The following TMEM116 variants were observed in gnomAD, a reference collection of about 807,000 sequenced individuals.
TMEM116 encodes the protein transmembrane protein 116.
A neutral mutation model predicts 44.3 loss-of-function variants in TMEM116; 38 were observed. The observed-to-expected ratio is 0.86, with a 90% CI of 0.66 to 1.12. The LOEUF (loss-of-function observed/expected upper bound fraction) is 1.12. Ranked by LOEUF, TMEM116 falls within the 50% of genes most tolerant of loss-of-function variation. The pLI is 0.00. For missense variants in TMEM116, 354 were observed against 401.7 expected (o/e 0.88, Z 1.01); for synonymous variants, 132 against 144.8 (o/e 0.91, Z 0.64).
chr12:111,933,942 A>G lies in TMEM116; in HGVS notation c.677T>C (p.Ile226Thr), dbSNP rs2071893795. Residue 226 changes from isoleucine (I) to threonine (T), a missense_variant, in exon 9 of 11, where the codon ATT becomes ACT. By Grantham distance (89) the Ile-to-Thr change is moderately conservative. Coordinates refer to ENST00000552374, the MANE Select transcript of TMEM116 (RefSeq NM_001193531.2). ...LGSEQWAVIH[I>T]VDQRVRFYPV... is the part of the protein sequence containing the mutation. The stretch of plus-strand genomic sequence containing the variant: ...GTAGAAGCGCACCCGTTGGTCCACA[A>G]TGTGAATCACTGCCCACTGTTCACT... The G allele has an allele frequency of 1.2e-6, 2 of 1,614,132 alleles. No individual in the cohort carries two copies. The highest frequency in any genetic ancestry group is 1.7e-6 in the Non-Finnish European group (2 of 1,180,040).
intron 4 of TMEM116, among the ~76,000 whole-genome samples, chr12:111,973,108 A>G (rs780066534): frequency 2.0e-5 from 3 of 152,184 alleles, no homozygotes; most frequent in Non-Finnish European, 2.9e-5. Flanking sequence ...ACTGCACTCC[A>G]GTCTGGCCGA....
intron 4 of TMEM116, among the ~76,000 whole-genome samples, chr12:111,956,936 C>T (rs919540092): frequency 5.3e-5 from 8 of 152,086 alleles, no homozygotes; most frequent in Non-Finnish European, 1.0e-4. Flanking sequence ...GCCGCCACCC[C>T]GTATAGGAAG....
chr12:111,954,809 CAGA>C (rs997976523), intron 4 of TMEM116, among the ~76,000 whole-genome samples: 1 of 152,206 alleles, frequency 6.6e-6, no homozygotes, highest in Non-Finnish European at 1.5e-5. Context: ...TCAAAGTATA[CAGA>C]AGAATAGCCA....
intron 4 of TMEM116, among the ~76,000 whole-genome samples, chr12:111,979,771 T>A (rs1160650904): frequency 6.6e-6 from 1 of 151,876 alleles, no homozygotes; most frequent in East Asian, 1.9e-4. Flanking sequence ...AACTCAACAA[T>A]AAGAAAACAA....
At chr12:111,991,723 C>A in intron 4 of TMEM116, 35 bp downstream of exon 4, 1 of 1,525,598 alleles carries the variant, frequency 6.6e-7, no homozygotes, top group South Asian at 1.2e-5. Context: ...GTGTGCCTTT[C>A]TTGCAAGGTG....
At chr12:112,002,091 C>A (rs965688278) in intron 3 of TMEM116, among the ~76,000 whole-genome samples, 3 of 152,266 alleles carry the variant, frequency 2.0e-5, no homozygotes, top group African/African-American at 7.2e-5. Flanking sequence ...AAGCACTGAG[C>A]AAATCTATCT....
chr12:111,947,754 A>G (rs1036872800), intron 4 of TMEM116, among the ~76,000 whole-genome samples: 2 of 152,228 alleles, frequency 1.3e-5, no homozygotes, highest in African/African-American at 4.8e-5. Flanking sequence ...GTACTCTTAA[A>G]TACAAATTTC....
At chr12:112,010,424 G>T (rs1053985034) in intron 1 of TMEM116, 3 of 152,220 alleles carry the variant, frequency 2.0e-5, no homozygotes, top group African/African-American at 4.8e-5. Context: ...ACAATGAAGG[G>T]TGAACAAGAC....
intron 3 of TMEM116, 46 bp downstream of exon 3, chr12:112,003,754 T>G: frequency 6.7e-7 from 1 of 1,498,972 alleles, no homozygotes; most frequent in Non-Finnish European, 8.8e-7. Flanking sequence ...TTTCAGAGAC[T>G]AGGTCAATAA....
At chr12:111,943,402 A>T in intron 4 of TMEM116, 33 bp from the exon 5 acceptor site, 4 of 1,465,666 alleles carry the variant, frequency 2.7e-6, no homozygotes, top group Non-Finnish European at 3.8e-6. Context: ...CATCATAACT[A>T]TCTCACTCTG....
intron 4 of TMEM116, among the ~76,000 whole-genome samples, chr12:111,983,164 A>C (rs2076039445): frequency 6.6e-6 from 1 of 151,986 alleles, no homozygotes; most frequent in South Asian, 2.1e-4. Flanking sequence ...GGGGCCAGGC[A>C]CGGTGGCTCA....
intron 4 of TMEM116, among the ~76,000 whole-genome samples, chr12:111,975,849 A>AAGATTTAAATATAAG (rs1461620208): frequency 2.0e-5 from 3 of 152,086 alleles, no homozygotes; most frequent in African/African-American, 4.8e-5. Flanking sequence ...GCTCAGGCCC[A>AAGATTTAAATATAAG]CAAAAATAAA....
rs1593429842 is a variant in TMEM116, at chr12:111,965,540, T to G, written c.211-22171A>C. ...TAACAAAATAAGCAATTACAACATCTAATTCCCAGCTCTAAAGTGGAAGGA... is the reference window on the plus strand; with the variant it reads ...TAACAAAATAAGCAATTACAACATCGAATTCCCAGCTCTAAAGTGGAAGGA... On this transcript the variant is annotated intron_variant, in intron 4 of 10. Transcript: ENST00000552374. 3.6e-5 allele frequency: 6 copies of G among 168,826 alleles called. No individual in the cohort carries two copies. In the South Asian group the frequency reaches 7.0e-4, roughly 20 times the overall value. 10.5% of individuals were successfully genotyped at this position (168,826 alleles called of 1,614,324 possible).
intron 3 of TMEM116, among the ~76,000 whole-genome samples, chr12:112,000,558 A>G (rs1356035783): frequency 6.8e-6 from 1 of 147,414 alleles, no homozygotes; most frequent in African/African-American, 2.5e-5. Flanking sequence ...ATAGGGTCTC[A>G]CTTTGTCACA....
chr12:111,977,235 C>G (rs1291175237), intron 4 of TMEM116, among the ~76,000 whole-genome samples: 1 of 151,960 alleles, frequency 6.6e-6, no homozygotes, highest in Non-Finnish European at 1.5e-5. Context: ...TTTAAAACCA[C>G]TTTTTTTAGA....
intron 4 of TMEM116, among the ~76,000 whole-genome samples, chr12:111,945,643 C>T (rs1402242811): frequency 2.0e-5 from 3 of 152,096 alleles, no homozygotes; most frequent in African/African-American, 7.2e-5. Flanking sequence ...AGACTCAGGA[C>T]TCATCTTTAT....
intron 5 of TMEM116, 31 bp downstream of exon 5, chr12:111,943,234 T>C: frequency 1.3e-6 from 2 of 1,547,646 alleles, no homozygotes; most frequent in Non-Finnish European, 1.8e-6. Flanking sequence ...TAGCATACTA[T>C]TATTAACTAT....
chr12:111,937,350 T>G, intron 6 of TMEM116, 107 bp from the exon 7 acceptor site: 2 of 812,908 alleles, frequency 2.5e-6, no homozygotes, highest in Non-Finnish European at 4.1e-6. Flanking sequence ...CCCACCAATC[T>G]CCACAAATAA....
rs1358766613 is a variant in TMEM116 at position 111,999,827 on chromosome 12, A to C, written c.78+3973T>G. On this transcript the variant is annotated intron_variant, in intron 3 of 10. Coordinates refer to ENST00000552374, the MANE Select transcript of TMEM116 (RefSeq NM_001193531.2). The stretch of plus-strand genomic sequence containing the variant: ...ACACAATGAAGAATTAAGAATCACA[A>C]CCCACAGTGTGCCACTTCACCAAGA... Among the ~76,000 whole-genome samples, 4 of 152,236 alleles carry C rather than the reference A, an allele frequency of 2.6e-5. No homozygotes were observed. In the East Asian group the frequency reaches 7.7e-4, roughly 29 times the overall value.
Sources: allele counts gnomAD v4.1 joint callset (sites outside exome capture counted in the v4.1 genomes callset), GRCh38; gene constraint gnomAD v4.1.1; transcripts MANE v1.5; gene names NCBI Gene and HGNC (gene_info 2026-07-23, HGNC 2026-07-21).